The following PRKCH variants were observed in gnomAD, a reference collection of about 807,000 sequenced individuals.
PRKCH encodes the protein protein kinase C eta, also known as protein kinase C eta type.
PRKCH carries 28 observed loss-of-function variants against 82.5 expected under a neutral mutation model. The observed-to-expected ratio is 0.34, with a 90% CI of 0.25 to 0.47. PRKCH has a LOEUF of 0.47. PRKCH is among the 20% of genes least tolerant of loss of function. PRKCH has a pLI of 1.00. For missense variants in PRKCH, 705 were observed against 881.8 expected, an observed-to-expected ratio of 0.80 and a Z score of 2.54; for synonymous variants, 322 against 327.4, an observed-to-expected ratio of 0.98 and a Z score of 0.18.
intron 1 of PRKCH, among the ~76,000 whole-genome samples, chr14:61,338,251 A>G (rs1402380415): frequency 1.3e-5 from 2 of 152,210 alleles, no homozygotes; most frequent in African/African-American, 2.4e-5. Context: ...GTAGAAAGGA[A>G]AAATTCCTTA....
At chr14:61,421,481 T>A (rs1454871556) in intron 2 of PRKCH, among the ~76,000 whole-genome samples, 2 of 152,188 alleles carry the variant, frequency 1.3e-5, no homozygotes, top group Non-Finnish European at 1.5e-5. Context: ...TCTGATAATA[T>A]TGCAGCCCCG....
intron 9 of PRKCH, among the ~76,000 whole-genome samples, chr14:61,458,430 AG>A (rs570663438): frequency 2.5e-4 from 38 of 152,244 alleles, no homozygotes; most frequent in African/African-American, 8.2e-4. Context: ...TGGGGTCCCA[AG>A]GTATTTGCTG....
intron 1 of PRKCH, among the ~76,000 whole-genome samples, chr14:61,262,783 G>T (rs576204411): frequency 2.6e-5 from 4 of 152,138 alleles, no homozygotes; most frequent in African/African-American, 9.6e-5. Context: ...CAAAAAATAG[G>T]GAAAATGGGG....
At chr14:61,429,769 ATTAAAATT>A (rs1182346912) in intron 2 of PRKCH, among the ~76,000 whole-genome samples, 1 of 152,034 alleles carries the variant, frequency 6.6e-6, no homozygotes, top group Non-Finnish European at 1.5e-5. Flanking sequence ...GAATTATCTT[ATTAAAATT>A]TTAAAATATT....
chr14:61,240,661 C>G (rs2044829378), intron 1 of PRKCH, among the ~76,000 whole-genome samples: 1 of 152,000 alleles, frequency 6.6e-6, no homozygotes, highest in Non-Finnish European at 1.5e-5. Flanking sequence ...AACCTTCACC[C>G]TTTCCAGCTG....
At chr14:61,465,250 G>C (rs1469279614) in intron 9 of PRKCH, among the ~76,000 whole-genome samples, 3 of 152,084 alleles carry the variant, frequency 2.0e-5, no homozygotes, top group African/African-American at 7.2e-5. Flanking sequence ...GTCTATTTTT[G>C]CTTTTGTTGC....
chr14:61,387,167 A>T (rs2046600647), intron 1 of PRKCH, among the ~76,000 whole-genome samples: 3 of 152,160 alleles, frequency 2.0e-5, no homozygotes, highest in African/African-American at 7.2e-5. Flanking sequence ...TCCTAGTTGG[A>T]CCTACTTGGA....
chr14:61,438,477 C>T (rs1883785363), intron 2 of PRKCH, among the ~76,000 whole-genome samples: 5 of 152,178 alleles, frequency 3.3e-5, no homozygotes, highest in Admixed American at 3.3e-4. Flanking sequence ...GTGATCCACG[C>T]TTTTGCCCCA....
intron 1 of PRKCH, among the ~76,000 whole-genome samples, chr14:61,366,163 A>G (rs1373375633): frequency 6.6e-6 from 1 of 152,098 alleles, no homozygotes. Context: ...CATACTGTGT[A>G]GACAGTAAAA....
intron 1 of PRKCH, chr14:61,281,957 G>A (rs1353688771): frequency 7.3e-6 from 1 of 137,582 alleles, no homozygotes; most frequent in African/African-American, 2.8e-5. Flanking sequence ...ACTAGGAAAT[G>A]TGGAAAGTTC....
intron 1 of PRKCH, among the ~76,000 whole-genome samples, chr14:61,350,887 T>C (rs552492372): frequency 6.6e-6 from 1 of 152,336 alleles, no homozygotes; most frequent in East Asian, 1.9e-4. Flanking sequence ...CAAACATTTC[T>C]GTAGAGGGAT....
intron 2 of PRKCH, among the ~76,000 whole-genome samples, chr14:61,428,493 G>C (rs902164990): frequency 6.6e-6 from 1 of 151,996 alleles, no homozygotes; most frequent in African/African-American, 2.4e-5. Flanking sequence ...AGTCAGTAGG[G>C]GGAGCTTAAA....
At chr14:61,516,475 A>G (rs79408147) in intron 10 of PRKCH, among the ~76,000 whole-genome samples, 2,325 of 152,284 alleles carry the variant, frequency 0.015, 73 homozygotes, top group East Asian at 0.12. Context: ...TTTAATAATG[A>G]CTTTTATTAA....
chr14:61,307,249 A>G (rs2045491298), intron 1 of PRKCH: 1 of 152,244 alleles, frequency 6.6e-6, no homozygotes, highest in African/African-American at 2.4e-5. Flanking sequence ...TAAAAACAAT[A>G]ACAACAGTAA....
At chr14:61,392,049 A>G (rs772841913) in intron 2 of PRKCH, among the ~76,000 whole-genome samples, 19 of 152,100 alleles carry the variant, frequency 1.2e-4, no homozygotes, top group Non-Finnish European at 2.6e-4. Context: ...CACTCAGCAT[A>G]GTTTTTAGAA....
At chr14:61,200,411 T>TGTGTGTGTG (rs1555368618) in intron 1 of PRKCH, among the ~76,000 whole-genome samples, 7 of 145,730 alleles carry the variant, frequency 4.8e-5, no homozygotes, top group African/African-American at 1.9e-4. Flanking sequence ...GTGTGTGTGT[T>TGTGTGTGTG]TGTGTGTTAC....
chr14:61,474,565 G>A (rs1035342066), intron 9 of PRKCH, among the ~76,000 whole-genome samples: 4 of 152,110 alleles, frequency 2.6e-5, no homozygotes, highest in Non-Finnish European at 5.9e-5. Context: ...AGGGGATGGG[G>A]GGCTGGGGGA....
intron 1 of PRKCH, chr14:61,303,322 T>G (rs1330865610): frequency 6.6e-6 from 1 of 152,180 alleles, no homozygotes; most frequent in Non-Finnish European, 1.5e-5. Flanking sequence ...GCCACTGTGC[T>G]GGGCCTGTTC....
chr14:61,457,082 G>T (rs535108208), intron 7 of PRKCH, 94 bp from the exon 8 acceptor site: 43 of 1,401,312 alleles, frequency 3.1e-5, no homozygotes, highest in Non-Finnish European at 3.8e-5. Flanking sequence ...TATACTGGGG[G>T]TGAGACTGCT....
Sources: allele counts gnomAD v4.1 joint callset (sites outside exome capture counted in the v4.1 genomes callset), GRCh38; gene constraint gnomAD v4.1.1; transcripts MANE v1.5; gene names NCBI Gene and HGNC (gene_info 2026-07-23, HGNC 2026-07-21).